Variants in MYO16 observed in about 807,000 individuals in gnomAD.
The protein encoded by MYO16 is unconventional myosin-XVI.
In MYO16, 94 loss-of-function variants were observed where a neutral mutation model predicts 205.3. The ratio of observed to expected loss-of-function variants is 0.46; its 90% CI spans 0.39 to 0.54. The LOEUF (loss-of-function observed/expected upper bound fraction) is 0.54. Ranked by LOEUF, MYO16 falls within the 20% of genes least tolerant of loss-of-function variation. The pLI, the probability that MYO16 is intolerant of heterozygous loss-of-function variation, is 0.00. For missense variants in MYO16, 2,315 were observed against 2,387.5 expected (o/e 0.97, Z 0.63); for synonymous variants, 988 against 954.0 (o/e 1.04, Z -0.66).
At chr13:108,845,487 A>C (rs1457062688) in intron 10 of MYO16, among the ~76,000 whole-genome samples, 1 of 151,942 alleles carries the variant, frequency 6.6e-6, no homozygotes, top group Non-Finnish European at 1.5e-5. Context: ...AGGCAGGGAA[A>C]ATGGGAAGGA....
chr13:108,953,656 GT>G (rs1008368049), intron 16 of MYO16, among the ~76,000 whole-genome samples: 1 of 150,112 alleles, frequency 6.7e-6, no homozygotes, highest in East Asian at 2.0e-4. Flanking sequence ...TATTTTCCAA[GT>G]TTTTTTGCCC....
chr13:108,780,240 G>A (rs1295829052), intron 4 of MYO16, among the ~76,000 whole-genome samples: 1 of 152,156 alleles, frequency 6.6e-6, no homozygotes, highest in Non-Finnish European at 1.5e-5. Flanking sequence ...ATGAATTTGT[G>A]TAGTTTAAAG....
chr13:109,065,967 G>T (rs1215991573), intron 27 of MYO16, among the ~76,000 whole-genome samples: 1 of 152,204 alleles, frequency 6.6e-6, no homozygotes, highest in Non-Finnish European at 1.5e-5. Context: ...TATTATGCTT[G>T]GCATGGTGAG....
chr13:108,879,614 T>A (rs1256838430), intron 12 of MYO16, among the ~76,000 whole-genome samples: 2 of 152,180 alleles, frequency 1.3e-5, no homozygotes, highest in Non-Finnish European at 2.9e-5. Context: ...ATGAGGTGTT[T>A]GGTTTTCTGT....
chr13:108,974,339 C>A (rs1884173241), intron 20 of MYO16, among the ~76,000 whole-genome samples: 3 of 151,964 alleles, frequency 2.0e-5, no homozygotes, highest in Admixed American at 2.0e-4. Flanking sequence ...GTATCTCAAC[C>A]TCTTCTAGGT....
At chr13:108,607,828 G>A (rs78256427) in intron 1 of MYO16, among the ~76,000 whole-genome samples, 129 of 152,224 alleles carry the variant, frequency 8.5e-4, no homozygotes, top group Non-Finnish European at 1.6e-3. Context: ...AGGGAGCTAC[G>A]TGCCCTGTCA....
At chr13:108,867,731 A>C (rs1335024470) in intron 12 of MYO16, among the ~76,000 whole-genome samples, 2 of 152,246 alleles carry the variant, frequency 1.3e-5, no homozygotes, top group African/African-American at 4.8e-5. Context: ...CAACTAATTT[A>C]TAAAAGTCAT....
intron 4 of MYO16, among the ~76,000 whole-genome samples, chr13:108,760,835 C>CT (rs989898006): frequency 6.6e-6 from 1 of 152,160 alleles, no homozygotes; most frequent in Non-Finnish European, 1.5e-5. Context: ...TTCCCAGCCT[C>CT]TGGTAGCCAC....
At chr13:108,990,090 A>T (rs1339424766) in intron 20 of MYO16, among the ~76,000 whole-genome samples, 1 of 151,982 alleles carries the variant, frequency 6.6e-6, no homozygotes, top group Non-Finnish European at 1.5e-5. Flanking sequence ...CCAAAGTCTG[A>T]CAAACTTTAT....
intron 21 of MYO16, among the ~76,000 whole-genome samples, chr13:108,997,601 G>C (rs1885072719): frequency 6.6e-6 from 1 of 151,882 alleles, no homozygotes; most frequent in South Asian, 2.1e-4. Context: ...CACATTGGGA[G>C]GTCAAGGCGG....
chr13:109,059,498 A>C (rs1349044476), intron 27 of MYO16, among the ~76,000 whole-genome samples: 2 of 152,192 alleles, frequency 1.3e-5, no homozygotes, highest in Non-Finnish European at 2.9e-5. Context: ...TCAAATATTT[A>C]GTAAACCATG....
chr13:108,709,621 G>A lies in MYO16; in HGVS notation c.293-3040G>A, dbSNP rs528683328. On this transcript the variant is annotated intron_variant, in intron 2 of 34. Transcript: ENST00000457511. ...TACCAAAGATGTTCAACATGTATTC[G>A]TTTCATAATTTTCTTCTCAAAATTA... Among the ~76,000 whole-genome samples, 37 of 135,266 alleles carry A rather than the reference G, an allele frequency of 2.7e-4. 9 individuals carry two copies. Among genetic ancestry groups the A allele is most frequent in the Non-Finnish European group, 4.5e-4 (28 of 61,718 alleles). The allele number at this position is 135,266 out of a possible 152,430, so 88.7% of individuals were successfully genotyped here. A position where few individuals can be genotyped will look rare whatever the true frequency, so the allele number is the denominator to read the frequency against.
At chr13:108,660,901 A>G (rs911502733) in intron 1 of MYO16, among the ~76,000 whole-genome samples, 1 of 152,048 alleles carries the variant, frequency 6.6e-6, no homozygotes, top group Non-Finnish European at 1.5e-5. Context: ...TGTGTGCTTT[A>G]TGCTTTAAAG....
intron 27 of MYO16, chr13:109,065,740 C>T (rs924893703): frequency 2.9e-5 from 9 of 309,822 alleles, no homozygotes; most frequent in Non-Finnish European, 5.0e-5. Flanking sequence ...CACTCCTCTC[C>T]ATCTTCATCC....
the MYO16 span, among the ~76,000 whole-genome samples, chr13:108,523,968 A>G: frequency 6.6e-6 from 1 of 152,186 alleles, no homozygotes; most frequent in Non-Finnish European, 1.5e-5. Flanking sequence ...TGTCCTCATG[A>G]TAGCGAATGA....
intron 16 of MYO16, among the ~76,000 whole-genome samples, chr13:108,954,033 C>T (rs1221549788): frequency 6.6e-6 from 1 of 152,132 alleles, no homozygotes; most frequent in African/African-American, 2.4e-5. Context: ...CTGCAACTAC[C>T]GGGATTTCTT....
Position 109,140,823 on chromosome 13 carries a change from G to A in MYO16, c.4611G>A (p.Glu1537=). 6.3e-7 allele frequency: 1 copy of A among 1,593,232 alleles called. No homozygotes were observed. Among genetic ancestry groups the A allele is most frequent in the Non-Finnish European group, 8.5e-7 (1 of 1,171,908 alleles). ...ACGAGTCGCCCCTGACACCCCTGGA[G>A]GTGAAGAAGCTGCCAGTCCTGGAGA... ...ASDESPLTPL[E]VKKLPVLETN... The change falls in exon 32 of 35, where the codon GAG becomes GAA. Residue 1537 remains glutamate (E), a synonymous_variant. Transcript: ENST00000457511. This position sits in a 1 kb window ranked among gnomAD's most constrained non-coding sequence, Gnocchi z 8.0.
intron 1 of MYO16, among the ~76,000 whole-genome samples, chr13:108,618,265 T>G (rs1014961575): frequency 6.6e-6 from 1 of 152,094 alleles, no homozygotes; most frequent in African/African-American, 2.4e-5. Context: ...GGGATCCCTT[T>G]GAGTAACTAC....
At position 108,883,155 on chromosome 13, in the gene MYO16, C is replaced by G. The variant is rs764231350; in HGVS notation, c.1522C>G (p.Arg508Gly). The change falls in exon 13 of 35, where the codon CGG (arginine) becomes GGG (glycine). Residue 508 changes from arginine to glycine, a missense_variant. This residue lies in a region of MYO16 where 1,213 missense variants were observed against 1,274.4 expected (regional missense o/e 0.95). Transcript: ENST00000457511. ...CVERAFHQLFREQRPQCFILS... is the reference protein window; with the variant it reads ...CVERAFHQLFGEQRPQCFILS... ...GGAGAGAGCCTTTCACCAGCTCTTC[C>G]GGGAACAGCGGCCTCAGTGTTTCAT... 1 of 1,613,868 alleles carries G rather than the reference C, an allele frequency of 6.2e-7. No individual in the cohort carries two copies. The highest frequency in any genetic ancestry group is 1.1e-5 in the South Asian group (1 of 91,026).
Sources: gnomAD v4.1 joint callset for allele counts (sites outside exome capture counted in the v4.1 genomes callset) on GRCh38, gnomAD v4.1.1 for gene constraint, gnomAD v4.1.1 regional missense constraint, Gnocchi (gnomAD v3.1) non-coding constraint, MANE v1.5 for transcripts, NCBI Gene and HGNC (gene_info 2026-07-23, HGNC 2026-07-21) for gene names.